KMT5B: variants seen among roughly 807,000 people sequenced by gnomAD.
The protein encoded by KMT5B is histone-lysine N-methyltransferase KMT5B.
A neutral mutation model predicts 83.2 loss-of-function variants in KMT5B; 10 were observed. The observed-to-expected ratio is 0.12, with a 90% CI of 0.07 to 0.20. The LOEUF (loss-of-function observed/expected upper bound fraction) is 0.20. Ranked by LOEUF, KMT5B falls within the 10% of genes least tolerant of loss-of-function variation. The pLI is 1.00. For missense variants in KMT5B, 753 were observed against 1,067.2 expected, an observed-to-expected ratio of 0.71 and a Z score of 4.10; for synonymous variants, 349 against 388.8, an observed-to-expected ratio of 0.90 and a Z score of 1.20.
rs550518330 is a variant in KMT5B, at chr11:68,171,479, G to A, written c.820+64C>T. On this transcript the variant is annotated intron_variant, in intron 7 of 10. Coordinates refer to ENST00000304363, the MANE Select transcript of KMT5B (RefSeq NM_017635.5). This position sits in a 1 kb window ranked among gnomAD's most constrained non-coding sequence, Gnocchi z 5.1. ...ATAAAGGTTTGACTGAGGTTGACAAGGCCATTCTAGCAGTTAGCAGGAATG... is the reference window on the plus strand; with the variant it reads ...ATAAAGGTTTGACTGAGGTTGACAAAGCCATTCTAGCAGTTAGCAGGAATG... 2.0e-5 allele frequency: 31 copies of A among 1,521,224 alleles called. No homozygotes were observed. Among genetic ancestry groups the A allele is most frequent in the Admixed American group, 1.2e-4 (6 of 51,106 alleles). The allele number at this position is 1,521,224 out of a possible 1,614,324, so 94.2% of individuals were successfully genotyped here.
intron 1 of KMT5B, among the ~76,000 whole-genome samples, chr11:68,201,750 A>C (rs1254247000): frequency 6.6e-6 from 1 of 152,028 alleles, no homozygotes; most frequent in Non-Finnish European, 1.5e-5. Context: ...ACAATCCCCA[A>C]GTGGTTGAAA....
intron 5 of KMT5B, chr11:68,174,277 G>C (rs1167428552): frequency 8.8e-6 from 3 of 341,292 alleles, no homozygotes; most frequent in Non-Finnish European, 5.7e-6. Context: ...TGTTACTCAA[G>C]AGTTTTGAAT....
intron 3 of KMT5B, among the ~76,000 whole-genome samples, chr11:68,182,228 T>C (rs1339672335): frequency 3.3e-5 from 5 of 152,172 alleles, no homozygotes; most frequent in Non-Finnish European, 5.9e-5. Context: ...AGGAAACTCC[T>C]AGTAAGGTAT....
At chr11:68,170,352 G>A (rs1416072288) in intron 9 of KMT5B, among the ~76,000 whole-genome samples, 3 of 152,144 alleles carry the variant, frequency 2.0e-5, no homozygotes, top group African/African-American at 7.2e-5. Context: ...TGGACTCCAG[G>A]TTTCCTTCTC....
At chr11:68,164,937 AGT>A (rs549933287) in intron 10 of KMT5B, among the ~76,000 whole-genome samples, 169 of 152,376 alleles carry the variant, frequency 1.1e-3, no homozygotes, top group African/African-American at 4.0e-3. Flanking sequence ...GCAGGATTTC[AGT>A]AAGTATTTAG....
At chr11:68,199,326 G>A (rs1465428440) in intron 1 of KMT5B, among the ~76,000 whole-genome samples, 1 of 152,156 alleles carries the variant, frequency 6.6e-6, no homozygotes, top group Non-Finnish European at 1.5e-5. Context: ...ATGGTGGCAG[G>A]GAGTGTTTCA....
intron 6 of KMT5B, among the ~76,000 whole-genome samples, chr11:68,172,885 A>AC (rs1177979267): frequency 1.3e-5 from 2 of 151,424 alleles, no homozygotes; most frequent in South Asian, 2.1e-4. Flanking sequence ...CAGATATCTG[A>AC]CCCCCCAAAT....
chr11:68,158,269 T>C lies in KMT5B; in HGVS notation c.2077A>G (p.Lys693Glu). ...GTGATTCGCCTCTTCTTTTTACTTT[T>C]TGCAGTTCTAAAGCTGTCTTTTGTT... ...FKTKDSFRTA[K>E]SKKKRRITRY... Residue 693 changes from lysine (K) to glutamate (E), a missense_variant, in exon 11 of 11, where the codon AAA (lysine) becomes GAA (glutamate). Lys to Glu is a moderately conservative substitution (Grantham distance 56, BLOSUM62 1). This residue lies in a region of KMT5B where 397 missense variants were observed against 395.9 expected (regional missense o/e 1.00). Transcript: ENST00000304363. The C allele has an allele frequency of 1.9e-6, 3 of 1,614,208 alleles. No homozygotes were observed. Among genetic ancestry groups the C allele is most frequent in the Non-Finnish European group, 2.5e-6 (3 of 1,180,044 alleles).
intron 2 of KMT5B, among the ~76,000 whole-genome samples, chr11:68,188,446 G>A (rs965549287): frequency 6.6e-6 from 1 of 151,740 alleles, no homozygotes; most frequent in Non-Finnish European, 1.5e-5. Flanking sequence ...CTGGGCTCAA[G>A]TGATCTTTCC....
rs775258652 is a variant in KMT5B at position 68,157,815 on chromosome 11, T to A, written c.2531A>T (p.Asp844Val). The A allele has an allele frequency of 2.5e-6, 4 of 1,611,076 alleles. No individual in the cohort carries two copies. Among genetic ancestry groups the A allele is most frequent in the Admixed American group, 3.3e-5 (2 of 59,952 alleles). ...AAGAGGAATAAAATCGTCTTCAAAG[T>A]CATCATCATAGTCATCCTCCTCTTC... is the stretch of plus-strand genomic sequence containing the variant. ...GDEEEDDYDD[D>V]FEDDFIPLPP... Residue 844 changes from aspartate (D) to valine (V), a missense_variant, in exon 11 of 11, where the codon GAC (aspartate) becomes GTC (valine). Physicochemically the swap from Asp to Val is radical, Grantham distance 152. Coordinates refer to ENST00000304363, the MANE Select transcript of KMT5B (RefSeq NM_017635.5).
At chr11:68,193,192 T>C (rs77233802) in intron 1 of KMT5B, among the ~76,000 whole-genome samples, 3 of 152,204 alleles carry the variant, frequency 2.0e-5, no homozygotes, top group Non-Finnish European at 4.4e-5. Flanking sequence ...CAAATGAAAC[T>C]GAGGCCACAT....
At chr11:68,205,333 A>G (rs1859960598) in intron 1 of KMT5B, among the ~76,000 whole-genome samples, 1 of 152,054 alleles carries the variant, frequency 6.6e-6, no homozygotes, top group South Asian at 2.1e-4. Flanking sequence ...ACATAAATAA[A>G]TAAAAAGTTT....
At chr11:68,178,409 T>C (rs77903186) in intron 4 of KMT5B, among the ~76,000 whole-genome samples, 1,697 of 152,314 alleles carry the variant, frequency 0.011, 16 homozygotes, top group Middle Eastern at 0.031. Flanking sequence ...TTTAGTAGTA[T>C]TCTGCCTACC....
chr11:68,174,936 G>A, intron 5 of KMT5B, 82 bp downstream of exon 5: 1 of 1,232,108 alleles, frequency 8.1e-7, no homozygotes, highest in South Asian at 1.5e-5. Context: ...TAAAATTTCA[G>A]TATTAACTAA....
chr11:68,179,206 T>C (rs1379294475), intron 4 of KMT5B, among the ~76,000 whole-genome samples: 1 of 127,656 alleles, frequency 7.8e-6, no homozygotes, highest in African/African-American at 3.1e-5. Flanking sequence ...GACGCAAATG[T>C]GAATTTTAAA....
chr11:68,189,794 T>A, intron 2 of KMT5B, 123 bp downstream of exon 2: 1 of 912,468 alleles, frequency 1.1e-6, no homozygotes, highest in African/African-American at 1.7e-5. Flanking sequence ...AAGACTATAT[T>A]GTTAATTATG....
At chr11:68,201,130 G>A (rs371675020) in intron 1 of KMT5B, among the ~76,000 whole-genome samples, 1 of 152,124 alleles carries the variant, frequency 6.6e-6, no homozygotes, top group Admixed American at 6.5e-5. Context: ...TATTTAAAGC[G>A]GAAACTCCTA....
intron 4 of KMT5B, among the ~76,000 whole-genome samples, chr11:68,178,566 C>G (rs1335552269): frequency 6.6e-6 from 1 of 152,178 alleles, no homozygotes; most frequent in Non-Finnish European, 1.5e-5. Context: ...TTAAAACTTA[C>G]TGTCACAGTT....
chr11:68,212,034 C>A lies in KMT5B; in HGVS notation c.-77+1104G>T, dbSNP rs911028964. 2.0e-5 allele frequency among the ~76,000 whole-genome samples: 3 copies of A among 152,306 alleles called. No individual in the cohort carries two copies. In the East Asian group the frequency reaches 5.8e-4, roughly 29 times the overall value. On this transcript the variant is annotated intron_variant, in intron 1 of 10. Coordinates refer to ENST00000304363, the MANE Select transcript of KMT5B (RefSeq NM_017635.5). ...ATGTATTTCAACATGCACACATTAT[C>A]TGTAATTATTTCAGGTAAAAATGGT...
Sources: gnomAD v4.1 joint callset for allele counts (sites outside exome capture counted in the v4.1 genomes callset) on GRCh38, gnomAD v4.1.1 for gene constraint, gnomAD v4.1.1 regional missense constraint, Gnocchi (gnomAD v3.1) non-coding constraint, MANE v1.5 for transcripts, NCBI Gene and HGNC (gene_info 2026-07-23, HGNC 2026-07-21) for gene names.